Variants in UBE2O observed in about 807,000 individuals in gnomAD.
The protein encoded by UBE2O is (E3-independent) E2 ubiquitin-conjugating enzyme.
UBE2O carries 15 observed loss-of-function variants against 125.8 expected under a neutral mutation model. The ratio of observed to expected loss-of-function variants is 0.12; its 90% CI spans 0.08 to 0.18. The LOEUF is 0.18. Ranked by LOEUF, UBE2O falls within the 10% of genes least tolerant of loss-of-function variation. The pLI is 1.00. For missense variants in UBE2O, 1,280 were observed against 1,723.6 expected, an observed-to-expected ratio of 0.74 and a Z score of 4.56; for synonymous variants, 708 against 703.2, an observed-to-expected ratio of 1.01 and a Z score of -0.11.
chr17:76,396,267 G>A lies in UBE2O; in HGVS notation c.2670C>T (p.Asp890=), dbSNP rs75159023. The change falls in exon 14 of 18, where the codon GAC becomes GAT. Residue 890 remains aspartate (D), a synonymous_variant. Transcript: ENST00000319380. This position sits in a 1 kb window ranked among gnomAD's most constrained non-coding sequence, Gnocchi z 6.7. ...TCACAGGTGACTGCCCCTCGGGCTT[G>A]TCCTCCTTGCGCTCTACGTCGGGCA... ...EAVPDVERKE[D]KPEGQSPVKA... The A allele has an allele frequency of 6.6e-5, 107 of 1,614,230 alleles. No homozygotes were observed. In the East Asian group the frequency reaches 2.3e-3, roughly 35 times the overall value.
At chr17:76,445,431 C>T (rs1448930020) in intron 1 of UBE2O, among the ~76,000 whole-genome samples, 1 of 152,176 alleles carries the variant, frequency 6.6e-6, no homozygotes, top group South Asian at 2.1e-4. Flanking sequence ...AATCCCCCAA[C>T]CAAAGAACCA....
intron 1 of UBE2O, among the ~76,000 whole-genome samples, chr17:76,419,010 A>G (rs1053885452): frequency 6.6e-6 from 1 of 152,144 alleles, no homozygotes; most frequent in African/African-American, 2.4e-5. Context: ...TCTGACTGCC[A>G]CGGTGACTCG....
intron 1 of UBE2O, among the ~76,000 whole-genome samples, chr17:76,408,422 C>A (rs952822046): frequency 6.6e-6 from 1 of 152,226 alleles, no homozygotes; most frequent in African/African-American, 2.4e-5. Flanking sequence ...AGAAAATAAG[C>A]AACTCATTCA....
Position 76,390,923 on chromosome 17 carries a change from C to CT in UBE2O, c.*19dup, listed in dbSNP as rs762357587. On this transcript the variant is annotated 3_prime_UTR_variant, in exon 18 of 18. Transcript: ENST00000319380. ...GGCTGGCCTCTCCCACGGTGATGCT[C>CT]TTTCCTCTGTGCCTGGCAGCTACTT... The CT allele has an allele frequency of 6.3e-7, 1 of 1,578,456 alleles. No homozygotes were observed. Among genetic ancestry groups the CT allele is most frequent in the Non-Finnish European group, 8.6e-7 (1 of 1,163,166 alleles).
intron 1 of UBE2O, among the ~76,000 whole-genome samples, chr17:76,445,310 T>A (rs1200036321): frequency 3.3e-5 from 5 of 152,108 alleles, no homozygotes; most frequent in Admixed American, 2.0e-4. Context: ...CCAGGTATAG[T>A]TATGCTATCA....
At chr17:76,428,967 TC>T (rs2072858762) in intron 1 of UBE2O, among the ~76,000 whole-genome samples, 2 of 150,648 alleles carry the variant, frequency 1.3e-5, no homozygotes, top group African/African-American at 4.9e-5. Flanking sequence ...AGTGGCATGA[TC>T]TTGGTTCACT....
In UBE2O at chr17:76,396,557, G is replaced by A. The variant is rs1380603107; in HGVS notation, c.2380C>T (p.Pro794Ser). Residue 794 changes from proline to serine, a missense_variant, in exon 14 of 18, where the codon CCC (proline) becomes TCC (serine). Physicochemically the swap from Pro to Ser is moderately conservative, Grantham distance 74. Coordinates refer to ENST00000319380, the MANE Select transcript of UBE2O (RefSeq NM_022066.4). The surrounding 1 kb of genome is among the most constrained non-coding windows in gnomAD (Gnocchi z 6.7). ...GCCTTCTCCATCAGCCCGGCCATGG[G>A]GGCAGCCATGGCCACAGCCCCCTGG... ...AVQGAVAMAA[P>S]MAGLMEKAGK... 6.2e-7 allele frequency: 1 copy of A among 1,610,892 alleles called. No homozygotes were observed. The highest frequency in any genetic ancestry group is 8.5e-7 in the Non-Finnish European group (1 of 1,178,950).
intron 1 of UBE2O, among the ~76,000 whole-genome samples, chr17:76,432,333 T>C (rs1357235534): frequency 1.3e-5 from 2 of 152,214 alleles, no homozygotes; most frequent in African/African-American, 4.8e-5. Flanking sequence ...AGAAGTACTA[T>C]AATTGTACTA....
chr17:76,392,060 G>A lies in UBE2O; in HGVS notation c.3000C>T (p.Gly1000=). 3.0e-6 allele frequency: 4 copies of A among 1,316,790 alleles called. No homozygotes were observed. The highest frequency in any genetic ancestry group is 4.0e-6 in the Non-Finnish European group (4 of 1,000,886). 81.6% of individuals were successfully genotyped at this position (1,316,790 alleles called of 1,614,324 possible). ...GGAGCTGGATGTCAAACAAGTAGAG[G>A]CCATCCTCGTAGGGGGTTCGAGTGG... The part of the protein sequence containing the change: ...KGPTRTPYED[G]LYLFDIQLPN... Residue 1000 remains glycine (G), a synonymous_variant, in exon 16 of 18, where the codon GGC becomes GGT. Transcript: ENST00000319380.
chr17:76,390,607 G>A lies in UBE2O; in HGVS notation c.*336C>T, dbSNP rs1195457118. ...GCAGGGAACCGGCCCAGAGAGCCCC[G>A]CGGCAGGCCCTGGAACACCCGCCTC... On this transcript the variant is annotated 3_prime_UTR_variant, in exon 18 of 18. Transcript: ENST00000319380. 5 of 237,326 alleles carry A rather than the reference G, an allele frequency of 2.1e-5. No homozygotes were observed. The highest frequency in any genetic ancestry group is 2.0e-4 in the East Asian group (2 of 10,230). The allele number at this position is 237,326 out of a possible 1,614,324, so 14.7% of individuals were successfully genotyped here.
intron 15 of UBE2O, 127 bp from the exon 16 acceptor site, chr17:76,392,240 C>T: frequency 3.5e-6 from 2 of 565,836 alleles, no homozygotes; most frequent in Non-Finnish European, 3.0e-6. Flanking sequence ...AAGAGCAGCA[C>T]CTGGGACTCC....
At chr17:76,447,429 G>C (rs1165833370) in intron 1 of UBE2O, among the ~76,000 whole-genome samples, 12 of 152,224 alleles carry the variant, frequency 7.9e-5, no homozygotes, top group Non-Finnish European at 1.8e-4. Flanking sequence ...CTGGCACACA[G>C]TAACAGTATC....
At chr17:76,431,424 G>A (rs947884112) in intron 1 of UBE2O, among the ~76,000 whole-genome samples, 6 of 152,198 alleles carry the variant, frequency 3.9e-5, no homozygotes, top group African/African-American at 1.4e-4. Flanking sequence ...GCTGAGGCAG[G>A]AGAATTGCTT....
At position 76,402,808 on chromosome 17, in the gene UBE2O, G is replaced by A. The variant is rs1002105480; in HGVS notation, c.589-109C>T. 3.2e-6 allele frequency: 3 copies of A among 931,038 alleles called. No individual in the cohort carries two copies. Among genetic ancestry groups the A allele is most frequent in the African/African-American group, 3.2e-5 (2 of 61,644 alleles). The allele number at this position is 931,038 out of a possible 1,614,324, so 57.7% of individuals were successfully genotyped here. ...GACAGGATGGGGGAGGATCTAGACA[G>A]CTCACTGACTGGACCGGTTGGCTAC... On this transcript the variant is annotated intron_variant, in intron 3 of 17. Transcript: ENST00000319380. This position sits in a 1 kb window ranked among gnomAD's most constrained non-coding sequence, Gnocchi z 5.4.
At chr17:76,392,311 C>CT (rs959019664) in intron 15 of UBE2O, among the ~76,000 whole-genome samples, 198 bp from the exon 16 acceptor site, 29 of 149,560 alleles carry the variant, frequency 1.9e-4, no homozygotes, top group Non-Finnish European at 2.7e-4. Flanking sequence ...AGCCTGGAAT[C>CT]TTTTTTTTTT....
At chr17:76,438,512 T>C (rs75020011) in intron 1 of UBE2O, among the ~76,000 whole-genome samples, 1 of 152,132 alleles carries the variant, frequency 6.6e-6, no homozygotes, top group African/African-American at 2.4e-5. Flanking sequence ...ATGCTTTACC[T>C]GTTATTCCTC....
chr17:76,405,302 G>A lies in UBE2O; in HGVS notation c.492C>T (p.Gly164=). 6.2e-7 allele frequency: 1 copy of A among 1,612,102 alleles called. No homozygotes were observed. The highest frequency in any genetic ancestry group is 8.5e-7 in the Non-Finnish European group (1 of 1,178,530). ...RHMRSTDSQC[G]TVIDVNIDCA... is the part of the protein sequence containing the mutation. ...AGTCGATGTTGACGTCGATCACCGT[G>A]CCACACTGACTGTCCTGGGGGAGGG... Residue 164 remains glycine (G), a synonymous_variant, in exon 3 of 18, where the codon GGC becomes GGT. Coordinates refer to ENST00000319380, the MANE Select transcript of UBE2O (RefSeq NM_022066.4). This position sits in a 1 kb window ranked among gnomAD's most constrained non-coding sequence, Gnocchi z 6.1.
intron 1 of UBE2O, among the ~76,000 whole-genome samples, chr17:76,416,784 C>T (rs1224244524): frequency 6.6e-6 from 1 of 152,182 alleles, no homozygotes; most frequent in Non-Finnish European, 1.5e-5. Context: ...ACCTTTGCAC[C>T]TCCATCTCTC....
At chr17:76,424,845 GTTTCTTTTTTTTTTTTTA>G (rs1268749256) in intron 1 of UBE2O, among the ~76,000 whole-genome samples, 1 of 149,200 alleles carries the variant, frequency 6.7e-6, no homozygotes, top group Non-Finnish European at 1.5e-5. Context: ...AATTTCACCT[GTTTCTTTTTTTTTTTTTA>G]TTTTTTATTT....
Sources: gnomAD v4.1 joint callset for allele counts (sites outside exome capture counted in the v4.1 genomes callset) on GRCh38, gnomAD v4.1.1 for gene constraint, Gnocchi (gnomAD v3.1) non-coding constraint, MANE v1.5 for transcripts, NCBI Gene and HGNC (gene_info 2026-07-23, HGNC 2026-07-21) for gene names.